SYTL1: variants seen among roughly 807,000 people sequenced by gnomAD.
SYTL1 encodes the protein synaptotagmin-like protein 1.
SYTL1 carries 53 observed loss-of-function variants against 74.6 expected under a neutral mutation model. The observed-to-expected ratio is 0.71, with a 90% CI of 0.57 to 0.89. The LOEUF is 0.89. Ranked by LOEUF, SYTL1 falls within the 40% of genes least tolerant of loss-of-function variation. SYTL1 has a pLI of 0.00. For synonymous variants in SYTL1, 329 were observed against 324.9 expected (o/e 1.01, Z -0.14); for missense variants, 728 against 768.7 (o/e 0.95, Z 0.63).
rs1181708145 is a variant in SYTL1 at position 27,351,470 on chromosome 1, C to G, written c.1258C>G (p.Pro420Ala). The G allele has an allele frequency of 6.5e-7, 1 of 1,543,128 alleles. No individual in the cohort carries two copies. The highest frequency in any genetic ancestry group is 8.7e-7 in the Non-Finnish European group (1 of 1,143,316). ...PAGSEGAGLP[P>A]SGELHFWVKE... ...CCTCTCCGCAGGCGCAGGACTGCCC[C>G]CGAGCGGGGAGCTGCACTTCTGGGT... is the stretch of plus-strand genomic sequence containing the variant. The change falls in exon 13 of 15, where the codon CCG becomes GCG. Residue 420 changes from proline (P) to alanine (A), a missense_variant. Coordinates refer to ENST00000616558, the MANE Select transcript of SYTL1 (RefSeq NM_001193308.2). This position sits in a 1 kb window ranked among gnomAD's most constrained non-coding sequence, Gnocchi z 5.0.
chr1:27,349,216 G>A, intron 6 of SYTL1, 64 bp downstream of exon 6: 2 of 1,564,694 alleles, frequency 1.3e-6, no homozygotes, highest in Non-Finnish European at 1.7e-6. Context: ...GCTCTAAGGG[G>A]CCCCAACCAC....
chr1:27,352,234 G>C (rs2015307037), intron 13 of SYTL1: 1 of 151,844 alleles, frequency 6.6e-6, no homozygotes, highest in Non-Finnish European at 1.5e-5. Context: ...CCAGCTACTT[G>C]AGAGACTGAG....
At chr1:27,344,471 C>A (rs983390225) in intron 1 of SYTL1, among the ~76,000 whole-genome samples, 3 of 151,422 alleles carry the variant, frequency 2.0e-5, no homozygotes, top group African/African-American at 7.3e-5. Context: ...GAACTCCTGA[C>A]CTCAGGTGAT....
rs753987007 is a variant in SYTL1, at chr1:27,347,428, C to T, written c.199C>T (p.Arg67Trp). 17 of 1,614,040 alleles carry T rather than the reference C, an allele frequency of 1.1e-5. 1 individual carries two copies. The highest frequency in any genetic ancestry group is 1.4e-5 in the Non-Finnish European group (16 of 1,180,024). ...QLEEGRVSKL[R>W]ASVADPGQLK... ...CCCTCCCCCTTCCTCCAGCAAGCTCCGGGCCTCAGTGGCAGACCCTGGGCA... is the reference window on the plus strand; with the variant it reads ...CCCTCCCCCTTCCTCCAGCAAGCTCTGGGCCTCAGTGGCAGACCCTGGGCA... Residue 67 changes from arginine (R) to tryptophan (W), a missense_variant, in exon 3 of 15, where the codon CGG becomes TGG. Arg to Trp is a moderately radical substitution (Grantham distance 101). Transcript: ENST00000616558. This position sits in a 1 kb window ranked among gnomAD's most constrained non-coding sequence, Gnocchi z 4.9.
chr1:27,351,085 AG>A lies in SYTL1; in HGVS notation c.1164+135del. 1 of 1,342,778 alleles carries A rather than the reference AG, an allele frequency of 7.4e-7. No homozygotes were observed. Among genetic ancestry groups the A allele is most frequent in the Non-Finnish European group, 1.0e-6 (1 of 989,900 alleles). The allele number at this position is 1,342,778 out of a possible 1,614,324, so 83.2% of individuals were successfully genotyped here. A position where few individuals can be genotyped will look rare whatever the true frequency, so the allele number is the denominator to read the frequency against. ...CTCAACCTCTTAACCTCATGGCCCC[AG>A]GCGAAGCCCGGCCGGCCACGGCCCC... On this transcript the variant is annotated intron_variant, in intron 11 of 14. Coordinates refer to ENST00000616558, the MANE Select transcript of SYTL1 (RefSeq NM_001193308.2). The surrounding 1 kb of genome is among the most constrained non-coding windows in gnomAD (Gnocchi z 5.0).
Position 27,345,499 on chromosome 1 carries a change from G to A in SYTL1, c.165G>A (p.Leu55=). ...IAGVLQRDAR[L]RQLEEGRVSK... The stretch of plus-strand genomic sequence containing the variant: ...GCGTCCTCCAACGAGATGCCCGCCT[G>A]CGCCAGCTGGAGGAGGGGCGGGTCA... The change falls in exon 2 of 15, where the codon CTG becomes CTA. Residue 55 remains leucine, a synonymous_variant. Transcript: ENST00000616558. This position sits in a 1 kb window ranked among gnomAD's most constrained non-coding sequence, Gnocchi z 6.0. The A allele has an allele frequency of 6.4e-7, 1 of 1,557,066 alleles. No homozygotes were observed. Among genetic ancestry groups the A allele is most frequent in the Non-Finnish European group, 8.7e-7 (1 of 1,149,734 alleles).
chr1:27,351,510 A>G lies in SYTL1; in HGVS notation c.1298A>G (p.Asp433Gly). The stretch of plus-strand genomic sequence containing the variant: ...CACTTCTGGGTGAAGGAGGCTCGGG[A>G]CCTCCTGCCGCTGCGGGCAGGATCC... ...ELHFWVKEARDLLPLRAGSLD... is the reference protein window; with the variant it reads ...ELHFWVKEARGLLPLRAGSLD... The change falls in exon 13 of 15, where the codon GAC becomes GGC. Residue 433 changes from aspartate to glycine, a missense_variant. Physicochemically the swap from Asp to Gly is moderately conservative, Grantham distance 94. Coordinates refer to ENST00000616558, the MANE Select transcript of SYTL1 (RefSeq NM_001193308.2). The surrounding 1 kb of genome is among the most constrained non-coding windows in gnomAD (Gnocchi z 5.0). The G allele has an allele frequency of 1.3e-6, 2 of 1,548,908 alleles. No homozygotes were observed. The highest frequency in any genetic ancestry group is 1.7e-6 in the Non-Finnish European group (2 of 1,146,118).
rs771449538 is a variant in SYTL1, at chr1:27,349,180, C to A, written c.532+28C>A. On this transcript the variant is annotated intron_variant, in intron 6 of 14. Transcript: ENST00000616558. Reference sequence around the variant, plus strand: ...GAGTGGGAGCGCCTGTTGGGGAGCACGGAGAGGTTTCGCGGGTCAGAGGCA... The same window carrying A: ...GAGTGGGAGCGCCTGTTGGGGAGCAAGGAGAGGTTTCGCGGGTCAGAGGCA... The A allele has an allele frequency of 3.1e-6, 5 of 1,607,502 alleles. No individual in the cohort carries two copies. The South Asian group carries it at 4.4e-5, about 14-fold the overall frequency.
Position 27,347,367 on chromosome 1 carries a change from G to C in SYTL1, c.192-54G>C. 1 of 1,611,970 alleles carries C rather than the reference G, an allele frequency of 6.2e-7. No homozygotes were observed. Among genetic ancestry groups the C allele is most frequent in the South Asian group, 1.1e-5 (1 of 90,964 alleles). On this transcript the variant is annotated intron_variant, in intron 2 of 14. Coordinates refer to ENST00000616558, the MANE Select transcript of SYTL1 (RefSeq NM_001193308.2). This position sits in a 1 kb window ranked among gnomAD's most constrained non-coding sequence, Gnocchi z 4.9. ...CCCAAGCCTGTTAACAATGTAGGTG[G>C]CGGGAATGTTGCTTGGGTGAGTCAT...
At chr1:27,346,040 C>T (rs1267206732) in intron 2 of SYTL1, among the ~76,000 whole-genome samples, 1 of 152,172 alleles carries the variant, frequency 6.6e-6, no homozygotes, top group Non-Finnish European at 1.5e-5. Flanking sequence ...CTCAGCCTCC[C>T]AAAGTGCTGG....
At position 27,348,157 on chromosome 1, in the gene SYTL1, G is replaced by C; in HGVS notation, c.459+145G>C. The C allele has an allele frequency of 1.3e-6, 1 of 779,266 alleles. No homozygotes were observed. Among genetic ancestry groups the C allele is most frequent in the Non-Finnish European group, 2.2e-6 (1 of 457,936 alleles). The allele number at this position is 779,266 out of a possible 1,614,324, so 48.3% of individuals were successfully genotyped here. On this transcript the variant is annotated intron_variant, in intron 5 of 14. Coordinates refer to ENST00000616558, the MANE Select transcript of SYTL1 (RefSeq NM_001193308.2). This position sits in a 1 kb window ranked among gnomAD's most constrained non-coding sequence, Gnocchi z 4.1. ...GTGTCTGCACCTCATCACCTCCTGG[G>C]TGGAACAGTGGTGAACGGTGGGGAA...
chr1:27,353,864 C>G lies in SYTL1; in HGVS notation c.*12C>G, dbSNP rs1215188169. Reference sequence around the variant, plus strand: ...CCCCCAGGACGTAGCCCCACCAAGCCTCTCTCTCTGGACCCCCATCTCAGG... The same window carrying G: ...CCCCCAGGACGTAGCCCCACCAAGCGTCTCTCTCTGGACCCCCATCTCAGG... On this transcript the variant is annotated 3_prime_UTR_variant, in exon 15 of 15. Transcript: ENST00000616558. 3.1e-6 allele frequency: 5 copies of G among 1,607,272 alleles called. No homozygotes were observed. Among genetic ancestry groups the G allele is most frequent in the Admixed American group, 3.3e-5 (2 of 59,746 alleles).
chr1:27,353,839 C>CT lies in SYTL1; in HGVS notation c.1676_1677insT (p.Arg561GlnfsTer21). The CT allele has an allele frequency of 6.2e-7, 1 of 1,613,258 alleles. No homozygotes were observed. The highest frequency in any genetic ancestry group is 8.5e-7 in the Non-Finnish European group (1 of 1,179,354). On this transcript the variant is annotated frameshift_variant, in exon 15 of 15. Coordinates refer to ENST00000616558, the MANE Select transcript of SYTL1 (RefSeq NM_001193308.2). LOFTEE classifies it high-confidence loss of function. ...CTTCTACCCCTCAGAACCAACCTGG[C>CT]CCCCAGGACGTAGCCCCACCAAGCC...
Position 27,353,735 on chromosome 1 carries a change from G to A in SYTL1, c.1572G>A (p.Val524=), listed in dbSNP as rs1249953938. The change falls in exon 15 of 15, where the codon GTG becomes GTA. Residue 524 remains valine, a synonymous_variant. Coordinates refer to ENST00000616558, the MANE Select transcript of SYTL1 (RefSeq NM_001193308.2). The stretch of plus-strand genomic sequence containing the variant: ...CAGGCAGCAGCTATGGGCTGCAGGT[G>A]CCCTGGATGGATTCCACACCTGAGG... ...LGTGSSYGLQ[V]PWMDSTPEEK... is the part of the protein sequence containing the mutation. The A allele has an allele frequency of 1.9e-6, 3 of 1,613,896 alleles. No individual in the cohort carries two copies. In the East Asian group the frequency reaches 6.7e-5, roughly 36 times the overall value.
chr1:27,342,744 C>T lies in SYTL1; in HGVS notation c.-39+594C>T, dbSNP rs1164947330. On this transcript the variant is annotated intron_variant, in intron 1 of 14. Coordinates refer to ENST00000616558, the MANE Select transcript of SYTL1 (RefSeq NM_001193308.2). The surrounding 1 kb of genome is among the most constrained non-coding windows in gnomAD (Gnocchi z 4.7). ...AAAGACACACAGCAACTACACAGCT[C>T]ACAGACTCACGCAACGCAGACATGC... 6.6e-6 allele frequency among the ~76,000 whole-genome samples: 1 copy of T among 152,182 alleles called. No homozygotes were observed. The highest frequency in any genetic ancestry group is 2.4e-5 in the African/African-American group (1 of 41,442).
chr1:27,351,423 C>G lies in SYTL1; in HGVS notation c.1244-33C>G. 1 of 1,507,520 alleles carries G rather than the reference C, an allele frequency of 6.6e-7. No homozygotes were observed. The highest frequency in any genetic ancestry group is 1.4e-5 in the African/African-American group (1 of 72,084). The allele number at this position is 1,507,520 out of a possible 1,614,324, so 93.4% of individuals were successfully genotyped here. On this transcript the variant is annotated intron_variant, in intron 12 of 14. Transcript: ENST00000616558. The surrounding 1 kb of genome is among the most constrained non-coding windows in gnomAD (Gnocchi z 5.0). ...CGGGTTTGGGGGCGGTGGACTCCATCCGTGTGCGGGCCTGAGCCGAGCCTC... is the reference window on the plus strand; with the variant it reads ...CGGGTTTGGGGGCGGTGGACTCCATGCGTGTGCGGGCCTGAGCCGAGCCTC...
Position 27,353,416 on chromosome 1 carries a change from G to A in SYTL1, c.1477G>A (p.Glu493Lys), listed in dbSNP as rs1246156537. 19 of 1,610,824 alleles carry A rather than the reference G, an allele frequency of 1.2e-5. No individual in the cohort carries two copies. Among genetic ancestry groups the A allele is most frequent in the Non-Finnish European group, 4.2e-6 (5 of 1,179,122 alleles). Residue 493 changes from glutamate (E) to lysine (K), a missense_variant, in exon 14 of 15, where the codon GAG becomes AAG. Glu to Lys is a moderately conservative substitution (Grantham distance 56, BLOSUM62 1). Coordinates refer to ENST00000616558, the MANE Select transcript of SYTL1 (RefSeq NM_001193308.2). ...TGCTGACCTGCGCCAGGCTTGTGCC[G>A]AGCTCTCCCTCTGGGACCATGGGGC... ...GPADLRQACAELSLWDHGALA... is the reference protein window; with the variant it reads ...GPADLRQACAKLSLWDHGALA...
Position 27,345,416 on chromosome 1 carries a change from A to C in SYTL1, c.82A>C (p.Thr28Pro). 1 of 1,561,288 alleles carries C rather than the reference A, an allele frequency of 6.4e-7. No individual in the cohort carries two copies. Among genetic ancestry groups the C allele is most frequent in the Non-Finnish European group, 8.7e-7 (1 of 1,151,822 alleles). Residue 28 changes from threonine (T) to proline (P), a missense_variant, in exon 2 of 15, where the codon ACT (threonine) becomes CCT (proline). By Grantham distance (38) the Thr-to-Pro change is conservative. Transcript: ENST00000616558. The surrounding 1 kb of genome is among the most constrained non-coding windows in gnomAD (Gnocchi z 6.0). ...CATGGCGCATGGGCCAAAGCCTGAG[A>C]CTGAAGGACTGTTGGACCTCAGCTT... is the stretch of plus-strand genomic sequence containing the variant. ...LPMAHGPKPE[T>P]EGLLDLSFLT...
Position 27,348,430 on chromosome 1 carries a change from A to G in SYTL1, c.459+418A>G, listed in dbSNP as rs996676411. Among the ~76,000 whole-genome samples, 6 of 152,034 alleles carry G rather than the reference A, an allele frequency of 3.9e-5. No homozygotes were observed. The highest frequency in any genetic ancestry group is 3.9e-4 in the Admixed American group (6 of 15,262). ...ATGTCTATAAAAAATAAATAAAAAA[A>G]AAAGGCCGGTCGTGGCAGCTCACGC... On this transcript the variant is annotated intron_variant, in intron 5 of 14. Coordinates refer to ENST00000616558, the MANE Select transcript of SYTL1 (RefSeq NM_001193308.2). The surrounding 1 kb of genome is among the most constrained non-coding windows in gnomAD (Gnocchi z 4.1).
Sources: allele counts gnomAD v4.1 joint callset (sites outside exome capture counted in the v4.1 genomes callset), GRCh38; gene constraint gnomAD v4.1.1; non-coding constraint Gnocchi (gnomAD v3.1); transcripts MANE v1.5; gene names NCBI Gene and HGNC (gene_info 2026-07-23, HGNC 2026-07-21).